Variants in RAB21 observed in about 807,000 individuals in gnomAD.
RAB21 encodes the protein ras-related protein Rab-21.
RAB21 carries 13 observed loss-of-function variants against 33.1 expected under a neutral mutation model. That is an observed-to-expected ratio of 0.39 (90% CI 0.26 to 0.62). The LOEUF (loss-of-function observed/expected upper bound fraction) is 0.62. RAB21 is among the 20% of genes least tolerant of loss of function. The probability of loss-of-function intolerance (pLI) is 0.48; values close to 1 mark genes in which losing one functional copy is unlikely to be tolerated. For missense variants in RAB21, 234 were observed against 279.1 expected (o/e 0.84, Z 1.15); for synonymous variants, 91 against 103.7 (o/e 0.88, Z 0.74).
chr12:71,764,211 G>T (rs540531962), intron 1 of RAB21, among the ~76,000 whole-genome samples: 3 of 152,144 alleles, frequency 2.0e-5, no homozygotes, highest in Non-Finnish European at 4.4e-5. Flanking sequence ...ATTGTTTTTA[G>T]TATGTGCGTA....
intron 1 of RAB21, among the ~76,000 whole-genome samples, chr12:71,763,196 G>C (rs1414514152): frequency 6.7e-6 from 1 of 149,804 alleles, no homozygotes; most frequent in Non-Finnish European, 1.5e-5. Flanking sequence ...GTTGAATTTA[G>C]TTGATACTAG....
At chr12:71,763,101 GCACA>G (rs66460518) in intron 1 of RAB21, among the ~76,000 whole-genome samples, 23,979 of 144,778 alleles carry the variant, frequency 0.17, 2,020 homozygotes, top group East Asian at 0.28. Flanking sequence ...TATTTTGCAC[GCACA>G]CACACACACA....
intron 4 of RAB21, among the ~76,000 whole-genome samples, chr12:71,774,918 T>C (rs965146620): frequency 3.3e-5 from 5 of 152,164 alleles, no homozygotes; most frequent in African/African-American, 4.8e-5. Context: ...TGTATGATTT[T>C]GCTTAGAAAA....
rs1883329023 is a variant in RAB21 at position 71,788,491 on chromosome 12, A to G, written c.*2818A>G. On this transcript the variant is annotated 3_prime_UTR_variant, in exon 7 of 7. Transcript: ENST00000261263. ...ATAGAGTAATGAAAGAGGACCAGTC[A>G]ACTTCAGTATATATACAAAGGAAAG... 1 of 152,294 alleles carries G rather than the reference A, an allele frequency of 6.6e-6. No homozygotes were observed. Among genetic ancestry groups the G allele is most frequent in the South Asian group, 2.1e-4 (1 of 4,824 alleles). 9.4% of individuals were successfully genotyped at this position (152,294 alleles called of 1,614,324 possible).
intron 1 of RAB21, among the ~76,000 whole-genome samples, chr12:71,766,537 G>A (rs1325595122): frequency 6.6e-6 from 1 of 152,204 alleles, no homozygotes. Context: ...CCATTTCATT[G>A]TAAGTGCTGT....
chr12:71,778,354 T>G (rs995949905), intron 4 of RAB21, among the ~76,000 whole-genome samples: 5 of 152,208 alleles, frequency 3.3e-5, no homozygotes, highest in Admixed American at 6.5e-5. Context: ...CACCATTTAC[T>G]GAGTGCCAGG....
In RAB21 at chr12:71,798,852, G is replaced by A. The variant is rs150395922; in HGVS notation, c.*13179G>A. On this transcript the variant is annotated 3_prime_UTR_variant, in exon 7 of 7. Coordinates refer to ENST00000261263, the MANE Select transcript of RAB21 (RefSeq NM_014999.4). ...ATTTACCCAATGTACTCTTCAAGTT[G>A]CAGAGGCTGAGAAATTATTAAACTG... is the stretch of plus-strand genomic sequence containing the variant. 750 of 152,330 alleles carry A rather than the reference G, an allele frequency of 4.9e-3. 2 individuals carry two copies. Among genetic ancestry groups the A allele is most frequent in the Middle Eastern group, 0.01 (3 of 294 alleles). 9.4% of individuals were successfully genotyped at this position (152,330 alleles called of 1,614,324 possible).
intron 5 of RAB21, 120 bp downstream of exon 5, chr12:71,782,205 T>G (rs1221368591): frequency 1.1e-6 from 1 of 939,456 alleles, no homozygotes; most frequent in Non-Finnish European, 1.6e-6. Flanking sequence ...GGTGTTGGAT[T>G]CAGTGAAGCA....
Position 71,800,284 on chromosome 12 carries a change from G to A in RAB21, c.*14611G>A, listed in dbSNP as rs1883521749. ...TTATATAAATAAAATCATATAACATGTATACTTTTGAGTCTGGCTTCTTTC... is the reference window on the plus strand; with the variant it reads ...TTATATAAATAAAATCATATAACATATATACTTTTGAGTCTGGCTTCTTTC... On this transcript the variant is annotated 3_prime_UTR_variant, in exon 7 of 7. Coordinates refer to ENST00000261263, the MANE Select transcript of RAB21 (RefSeq NM_014999.4). 1 of 151,954 alleles carries A rather than the reference G, an allele frequency of 6.6e-6. No homozygotes were observed. Among genetic ancestry groups the A allele is most frequent in the Non-Finnish European group, 1.5e-5 (1 of 68,004 alleles). The allele number at this position is 151,954 out of a possible 1,614,324, so 9.4% of individuals were successfully genotyped here.
intron 3 of RAB21, among the ~76,000 whole-genome samples, chr12:71,772,617 T>G (rs1298198761): frequency 6.6e-6 from 1 of 152,216 alleles, no homozygotes; most frequent in African/African-American, 2.4e-5. Flanking sequence ...TGATACTATA[T>G]GCACATGGAA....
At chr12:71,774,212 C>T (rs1883084836) in intron 4 of RAB21, 190 bp downstream of exon 4, 1 of 261,610 alleles carries the variant, frequency 3.8e-6, no homozygotes, top group Non-Finnish European at 6.8e-6. Context: ...CTTGGGAGGC[C>T]AAAGTGGGTG....
chr12:71,771,819 C>A (rs1458995753), intron 3 of RAB21, among the ~76,000 whole-genome samples: 1 of 151,794 alleles, frequency 6.6e-6, no homozygotes, highest in Non-Finnish European at 1.5e-5. Flanking sequence ...ACTAAAAATA[C>A]AAAAAAATTA....
intron 1 of RAB21, among the ~76,000 whole-genome samples, chr12:71,759,885 T>A (rs2137638581): frequency 6.6e-6 from 1 of 152,364 alleles, no homozygotes; most frequent in African/African-American, 2.4e-5. Flanking sequence ...GATATTCTAA[T>A]GCCTGTAAGC....
Position 71,792,264 on chromosome 12 carries a change from A to C in RAB21, c.*6591A>C, listed in dbSNP as rs1270049452. The C allele has an allele frequency of 6.6e-6, 1 of 152,214 alleles. No homozygotes were observed. The highest frequency in any genetic ancestry group is 1.5e-5 in the Non-Finnish European group (1 of 68,042). 9.4% of individuals were successfully genotyped at this position (152,214 alleles called of 1,614,324 possible). A position where few individuals can be genotyped will look rare whatever the true frequency, so the allele number is the denominator to read the frequency against. ...TACTGGACTTTTGAGATGTAAGTTT[A>C]CCATACATCAAGCTTAAAAACTTGT... On this transcript the variant is annotated 3_prime_UTR_variant, in exon 7 of 7. Transcript: ENST00000261263.
At position 71,785,906 on chromosome 12, in the gene RAB21, T is replaced by C; in HGVS notation, c.*233T>C. The C allele has an allele frequency of 4.4e-6, 2 of 455,324 alleles. No individual in the cohort carries two copies. The highest frequency in any genetic ancestry group is 7.9e-5 in the Admixed American group (2 of 25,166). The allele number at this position is 455,324 out of a possible 1,614,324, so 28.2% of individuals were successfully genotyped here. ...TTTTTTTTGTTTTTTTTTTGTTTTT[T>C]TTTGTTTTTTTTTGAGACGGAGTCT... On this transcript the variant is annotated 3_prime_UTR_variant, in exon 7 of 7. Transcript: ENST00000261263.
Position 71,797,300 on chromosome 12 carries a change from G to T in RAB21, c.*11627G>T, listed in dbSNP as rs989844810. The T allele has an allele frequency of 6.6e-6, 1 of 151,948 alleles. No homozygotes were observed. Among genetic ancestry groups the T allele is most frequent in the Non-Finnish European group, 1.5e-5 (1 of 67,974 alleles). 9.4% of individuals were successfully genotyped at this position (151,948 alleles called of 1,614,324 possible). On this transcript the variant is annotated 3_prime_UTR_variant, in exon 7 of 7. Transcript: ENST00000261263. Reference sequence around the variant, plus strand: ...CTCTTAAAACGAATACAGTCACTGGGTATAAAATTCATCACAGAAATAAAA... The same window carrying T: ...CTCTTAAAACGAATACAGTCACTGGTTATAAAATTCATCACAGAAATAAAA...
At chr12:71,773,720 T>G (rs1460117069) in intron 3 of RAB21, among the ~76,000 whole-genome samples, 1 of 152,228 alleles carries the variant, frequency 6.6e-6, no homozygotes, top group Non-Finnish European at 1.5e-5. Context: ...TGTGGAAGAC[T>G]GATGCAAATT....
At chr12:71,784,515 ATT>A (rs199531080) in intron 6 of RAB21, among the ~76,000 whole-genome samples, 1 of 144,542 alleles carries the variant, frequency 6.9e-6, no homozygotes. Flanking sequence ...GTTAAGGTTG[ATT>A]TTTTTTTTTT....
At chr12:71,755,819 C>G (rs1882777197) in intron 1 of RAB21, among the ~76,000 whole-genome samples, 1 of 152,194 alleles carries the variant, frequency 6.6e-6, no homozygotes, top group South Asian at 2.1e-4. Context: ...AGGCGTGTTA[C>G]GCAGTTTCAT....
Sources: allele counts gnomAD v4.1 joint callset (sites outside exome capture counted in the v4.1 genomes callset), GRCh38; gene constraint gnomAD v4.1.1; transcripts MANE v1.5; gene names NCBI Gene and HGNC (gene_info 2026-07-23, HGNC 2026-07-21).